The following SCD5 variants were observed in gnomAD, a reference collection of about 807,000 sequenced individuals.
The protein encoded by SCD5 is acyl-CoA-desaturase 4.
A neutral mutation model predicts 30.4 loss-of-function variants in SCD5; 20 were observed. The observed-to-expected ratio is 0.66, with a 90% CI of 0.46 to 0.96. The LOEUF is 0.96. Ranked by LOEUF, SCD5 falls within the 40% of genes least tolerant of loss-of-function variation. SCD5 has a pLI of 0.00. For missense variants in SCD5, 381 were observed against 443.3 expected (o/e 0.86, Z 1.26); for synonymous variants, 173 against 176.4 (o/e 0.98, Z 0.16).
chr4:82,662,988 G>A (rs1728051690), intron 3 of SCD5, among the ~76,000 whole-genome samples: 1 of 152,048 alleles, frequency 6.6e-6, no homozygotes, highest in African/African-American at 2.4e-5. Context: ...TCTGTTAGAT[G>A]AAAAATGCAG....
chr4:82,778,550 C>CTG (rs932219664), intron 1 of SCD5, among the ~76,000 whole-genome samples: 3 of 152,238 alleles, frequency 2.0e-5, no homozygotes, highest in African/African-American at 7.2e-5. Context: ...GGGCCTCAAC[C>CTG]TGTGAGCTGG....
intron 1 of SCD5, among the ~76,000 whole-genome samples, chr4:82,712,372 C>A (rs1720129786): frequency 7.2e-6 from 1 of 138,192 alleles, no homozygotes; most frequent in African/African-American, 2.8e-5. Flanking sequence ...GGCTGGAGTG[C>A]AATGGCGTGA....
chr4:82,636,602 A>T lies in SCD5; in HGVS notation c.791T>A (p.Leu264Gln), dbSNP rs1577999269. Residue 264 changes from leucine (L) to glutamine (Q), a missense_variant, in exon 4 of 5, where the codon CTG becomes CAG. Transcript: ENST00000319540. ...ISPRQNPLVA[L>Q]GAIGEGFHNY... is the part of the protein sequence containing the mutation. Reference sequence around the variant, plus strand: ...ACACCCCTACTCACCAATGGCACCCAGAGCGACGAGTGGGTTCTGCCGAGG... The same window carrying T: ...ACACCCCTACTCACCAATGGCACCCTGAGCGACGAGTGGGTTCTGCCGAGG... The T allele has an allele frequency of 6.2e-7, 1 of 1,613,760 alleles. No individual in the cohort carries two copies. Among genetic ancestry groups the T allele is most frequent in the Non-Finnish European group, 8.5e-7 (1 of 1,179,854 alleles).
chr4:82,757,925 G>A (rs1418322678), intron 1 of SCD5, among the ~76,000 whole-genome samples: 1 of 152,146 alleles, frequency 6.6e-6, no homozygotes, highest in Admixed American at 6.5e-5. Flanking sequence ...ATCCATTAAC[G>A]GCTACGCCAA....
intron 2 of SCD5, among the ~76,000 whole-genome samples, chr4:82,697,622 G>A (rs1211700130): frequency 6.6e-6 from 1 of 152,152 alleles, no homozygotes; most frequent in Non-Finnish European, 1.5e-5. Context: ...TAGGGGTGGG[G>A]AAATTTTATT....
chr4:82,783,531 G>A (rs921400378), intron 1 of SCD5, among the ~76,000 whole-genome samples: 7 of 152,108 alleles, frequency 4.6e-5, no homozygotes, highest in African/African-American at 1.4e-4. Context: ...TTGGCCAGGC[G>A]CGGTGGCTCA....
intron 3 of SCD5, among the ~76,000 whole-genome samples, chr4:82,677,842 C>T (rs1431678754): frequency 6.6e-6 from 1 of 152,038 alleles, no homozygotes; most frequent in Non-Finnish European, 1.5e-5. Flanking sequence ...ATTACACAAA[C>T]ACACACTCAC....
At chr4:82,719,027 T>C (rs1324698188) in intron 1 of SCD5, among the ~76,000 whole-genome samples, 1 of 151,778 alleles carries the variant, frequency 6.6e-6, no homozygotes, top group Non-Finnish European at 1.5e-5. Flanking sequence ...TTCAGGGGGC[T>C]CGCTGCTAGC....
chr4:82,644,265 A>G (rs1727598025), intron 3 of SCD5, among the ~76,000 whole-genome samples: 1 of 152,176 alleles, frequency 6.6e-6, no homozygotes, highest in Admixed American at 6.5e-5. Flanking sequence ...GAATGTCTCC[A>G]CTGAGACTGT....
intron 1 of SCD5, among the ~76,000 whole-genome samples, chr4:82,734,261 C>T (rs1158451015): frequency 6.6e-6 from 1 of 152,120 alleles, no homozygotes; most frequent in African/African-American, 2.4e-5. Context: ...TTCCTGTATC[C>T]CATACTGGCC....
At chr4:82,656,451 G>A (rs1336615965) in intron 3 of SCD5, among the ~76,000 whole-genome samples, 1 of 152,134 alleles carries the variant, frequency 6.6e-6, no homozygotes, top group Non-Finnish European at 1.5e-5. Context: ...TTTTATGGCT[G>A]CATAGTATTC....
chr4:82,647,877 AAAT>A (rs1396771556), intron 3 of SCD5, among the ~76,000 whole-genome samples: 1 of 152,262 alleles, frequency 6.6e-6, no homozygotes, highest in Non-Finnish European at 1.5e-5. Flanking sequence ...AGTAGAAAAT[AAAT>A]ACATAAATTG....
At chr4:82,651,939 T>C (rs565794518) in intron 3 of SCD5, among the ~76,000 whole-genome samples, 24 of 152,038 alleles carry the variant, frequency 1.6e-4, no homozygotes, top group African/African-American at 5.3e-4. Context: ...TAAGAAAAAA[T>C]TGGCTAGGTA....
chr4:82,703,554 T>C (rs1719903948), intron 2 of SCD5, among the ~76,000 whole-genome samples: 1 of 152,204 alleles, frequency 6.6e-6, no homozygotes, highest in Non-Finnish European at 1.5e-5. Context: ...TTCTAGGACC[T>C]GGGTACTTCC....
chr4:82,776,673 C>T (rs1428230451), intron 1 of SCD5, among the ~76,000 whole-genome samples: 1 of 152,064 alleles, frequency 6.6e-6, no homozygotes, highest in African/African-American at 2.4e-5. Flanking sequence ...GCAGAAATGT[C>T]CAAGACACCA....
intron 4 of SCD5, among the ~76,000 whole-genome samples, chr4:82,633,272 A>G (rs1727359273): frequency 6.6e-6 from 1 of 152,178 alleles, no homozygotes; most frequent in African/African-American, 2.4e-5. Flanking sequence ...ACTTAGCATA[A>G]TGTCCTCCAG....
intron 1 of SCD5, among the ~76,000 whole-genome samples, chr4:82,745,200 G>C (rs181638642): frequency 1.6e-4 from 24 of 152,322 alleles, no homozygotes; most frequent in African/African-American, 5.1e-4. Context: ...CGCTGGCACT[G>C]ATGTCTGATC....
chr4:82,719,488 C>T (rs1439720769), intron 1 of SCD5, among the ~76,000 whole-genome samples: 2 of 149,470 alleles, frequency 1.3e-5, no homozygotes, highest in Non-Finnish European at 2.9e-5. Flanking sequence ...TATACCAATA[C>T]AGTTGTAAAA....
At chr4:82,724,715 T>C (rs1411290539) in intron 1 of SCD5, among the ~76,000 whole-genome samples, 1 of 152,212 alleles carries the variant, frequency 6.6e-6, no homozygotes, top group Non-Finnish European at 1.5e-5. Context: ...AGAACTGTTT[T>C]TAGGACTAAA....
Sources: gnomAD v4.1 joint callset for allele counts (sites outside exome capture counted in the v4.1 genomes callset) on GRCh38, gnomAD v4.1.1 for gene constraint, MANE v1.5 for transcripts, NCBI Gene and HGNC (gene_info 2026-07-23, HGNC 2026-07-21) for gene names.